The following GRIP1 variants were observed in gnomAD, a reference collection of about 807,000 sequenced individuals.
The protein encoded by GRIP1 is glutamate receptor interacting protein 1, also known as glutamate receptor-interacting protein 1.
In GRIP1, 45 loss-of-function variants were observed where a neutral mutation model predicts 129.9. The ratio of observed to expected loss-of-function variants is 0.35; its 90% confidence interval spans 0.27 to 0.44. The LOEUF is 0.44. Ranked by LOEUF, GRIP1 falls within the 20% of genes least tolerant of loss-of-function variation. GRIP1 has a pLI of 1.00. For missense variants in GRIP1, 1,196 were observed against 1,396.8 expected (o/e 0.86, Z 2.29); for synonymous variants, 530 against 520.8 (o/e 1.02, Z -0.24).
intron 1 of GRIP1, among the ~76,000 whole-genome samples, chr12:66,723,239 T>TCTTC (rs1187415539): frequency 0.057 from 1,346 of 23,440 alleles, 28 homozygotes; most frequent in East Asian, 0.076. Flanking sequence ...TCTCTCTCTC[T>TCTTC]CTTCCTTCCT....
At chr12:66,726,390 A>G (rs2036254589) in intron 1 of GRIP1, among the ~76,000 whole-genome samples, 1 of 152,202 alleles carries the variant, frequency 6.6e-6, no homozygotes, top group Admixed American at 6.6e-5. Context: ...TATTGAATTT[A>G]TGACCTTCAA....
At chr12:66,486,469 C>T (rs1028399512) in intron 7 of GRIP1, among the ~76,000 whole-genome samples, 1 of 152,066 alleles carries the variant, frequency 6.6e-6, no homozygotes, top group African/African-American at 2.4e-5. Flanking sequence ...GTGGGAGGAA[C>T]CTGGTGGGAG....
At chr12:66,843,927 A>G (rs2137056862) in intron 1 of GRIP1, among the ~76,000 whole-genome samples, 1 of 152,298 alleles carries the variant, frequency 6.6e-6, no homozygotes, top group Non-Finnish European at 1.5e-5. Context: ...CAAAAACATA[A>G]GCAATAAAAG....
chr12:66,526,332 T>C (rs1242833168), intron 5 of GRIP1, among the ~76,000 whole-genome samples: 1 of 152,110 alleles, frequency 6.6e-6, no homozygotes, highest in Non-Finnish European at 1.5e-5. Flanking sequence ...AAAACACAGA[T>C]ATAGATCAAT....
At chr12:66,727,591 T>C (rs2036296267) in intron 1 of GRIP1, among the ~76,000 whole-genome samples, 1 of 152,162 alleles carries the variant, frequency 6.6e-6, no homozygotes, top group African/African-American at 2.4e-5. Flanking sequence ...TTTGGGGTTG[T>C]CTGTTATGCT....
At chr12:67,019,725 A>G (rs2042838138) in intron 1 of GRIP1, among the ~76,000 whole-genome samples, 2 of 152,160 alleles carry the variant, frequency 1.3e-5, no homozygotes, top group Non-Finnish European at 2.9e-5. Context: ...AACATGTTAA[A>G]AAAGAGAATA....
intron 2 of GRIP1, among the ~76,000 whole-genome samples, chr12:66,595,905 C>T (rs752937461): frequency 3.9e-5 from 6 of 152,112 alleles, no homozygotes; most frequent in South Asian, 4.1e-4. Flanking sequence ...ATTCATCTTG[C>T]TCTTTATTCA....
chr12:66,441,907 T>C (rs954451909), intron 13 of GRIP1, among the ~76,000 whole-genome samples: 29 of 152,106 alleles, frequency 1.9e-4, no homozygotes, highest in African/African-American at 7.0e-4. Context: ...TTCTCCCTCA[T>C]CTTCCATATC....
chr12:66,599,205 A>G (rs890386103), intron 1 of GRIP1, among the ~76,000 whole-genome samples: 2 of 152,176 alleles, frequency 1.3e-5, no homozygotes, highest in African/African-American at 2.4e-5. Flanking sequence ...AGGCAAAAGT[A>G]AATAATTATC....
intron 1 of GRIP1, among the ~76,000 whole-genome samples, chr12:66,623,911 TTTA>T (rs1214454150): frequency 6.6e-6 from 1 of 152,172 alleles, no homozygotes; most frequent in East Asian, 1.9e-4. Flanking sequence ...TTCTTTTAAA[TTTA>T]TTATCTTTTG....
chr12:66,997,006 T>C (rs1310161668), intron 1 of GRIP1, among the ~76,000 whole-genome samples: 1 of 152,164 alleles, frequency 6.6e-6, no homozygotes, highest in African/African-American at 2.4e-5. Context: ...GAAGATGCAT[T>C]TGGCAACCAC....
chr12:66,782,535 G>C (rs1427680584), intron 1 of GRIP1, among the ~76,000 whole-genome samples: 2 of 152,134 alleles, frequency 1.3e-5, no homozygotes, highest in Non-Finnish European at 2.9e-5. Context: ...TTTAGTTTGA[G>C]TTTTTAAATG....
chr12:66,390,253 G>T (rs2056530193), intron 19 of GRIP1, among the ~76,000 whole-genome samples: 1 of 152,116 alleles, frequency 6.6e-6, no homozygotes, highest in Non-Finnish European at 1.5e-5. Flanking sequence ...CTGAAATCCT[G>T]CCTTCAGCTC....
intron 2 of GRIP1, among the ~76,000 whole-genome samples, chr12:66,578,309 A>ACAGCTCC (rs1485145727): frequency 7.1e-6 from 1 of 141,340 alleles, no homozygotes; most frequent in Non-Finnish European, 1.5e-5. Flanking sequence ...GCTCTGGTCT[A>ACAGCTCC]CAGCTCCCAG....
chr12:66,417,295 C>T (rs2057641802), intron 15 of GRIP1, among the ~76,000 whole-genome samples: 1 of 152,064 alleles, frequency 6.6e-6, no homozygotes, highest in South Asian at 2.1e-4. Flanking sequence ...TATACCTCAA[C>T]ATAATAAAAG....
chr12:66,891,796 G>C (rs554074221), intron 1 of GRIP1: 2 of 152,262 alleles, frequency 1.3e-5, no homozygotes, highest in African/African-American at 4.8e-5. Flanking sequence ...ATATGACTGA[G>C]GCAAATTCTT....
At chr12:66,581,661 T>C (rs1037182050) in intron 2 of GRIP1, among the ~76,000 whole-genome samples, 1 of 151,774 alleles carries the variant, frequency 6.6e-6, no homozygotes, top group Admixed American at 6.6e-5. Context: ...CTAGAAGAAA[T>C]GGATAAATTC....
chr12:66,826,367 G>C (rs1371817604), intron 1 of GRIP1, among the ~76,000 whole-genome samples: 1 of 151,926 alleles, frequency 6.6e-6, no homozygotes, highest in Non-Finnish European at 1.5e-5. Context: ...CGGGTTGATG[G>C]GTGCAGCAAA....
intron 1 of GRIP1, among the ~76,000 whole-genome samples, chr12:66,836,301 C>T (rs151046825): frequency 0.013 from 2,001 of 152,264 alleles, 15 homozygotes; most frequent in Non-Finnish European, 0.022. Flanking sequence ...ACCTCATCTC[C>T]CTCAAGAAGA....
Sources: allele counts gnomAD v4.1 joint callset (sites outside exome capture counted in the v4.1 genomes callset), GRCh38; gene constraint gnomAD v4.1.1; transcripts MANE v1.5; gene names NCBI Gene and HGNC (gene_info 2026-07-23, HGNC 2026-07-21).